The following TBCK variants were observed in gnomAD, a reference collection of about 807,000 sequenced individuals.
TBCK encodes the protein TBC domain-containing protein kinase-like protein.
TBCK carries 99 observed loss-of-function variants against 113.4 expected under a neutral mutation model. That is an observed-to-expected ratio of 0.87 (90% CI 0.74 to 1.03). The LOEUF (loss-of-function observed/expected upper bound fraction) is 1.03. Ranked by LOEUF, TBCK falls within the 50% of genes least tolerant of loss-of-function variation. TBCK has a pLI of 0.00. For missense variants in TBCK, 1,045 were observed against 1,061.3 expected, an observed-to-expected ratio of 0.98 and a Z score of 0.21; for synonymous variants, 369 against 370.8, an observed-to-expected ratio of 1.00 and a Z score of 0.05.
chr4:106,134,033 A>AAAAAC (rs1746277447), intron 23 of TBCK, among the ~76,000 whole-genome samples: 1 of 151,800 alleles, frequency 6.6e-6, no homozygotes. Context: ...AAACAAAAAA[A>AAAAAC]AAAACAAAAC....
chr4:106,219,275 A>T (rs1047258309), intron 19 of TBCK, among the ~76,000 whole-genome samples: 2 of 151,314 alleles, frequency 1.3e-5, no homozygotes, highest in African/African-American at 4.9e-5. Context: ...ATGCTAGATG[A>T]CGAGTTAGTG....
chr4:106,277,934 A>T (rs1471506205), intron 3 of TBCK, among the ~76,000 whole-genome samples: 1 of 152,228 alleles, frequency 6.6e-6, no homozygotes, highest in Non-Finnish European at 1.5e-5. Context: ...AAGTGTCCTC[A>T]TATCAGCAAT....
At chr4:106,162,464 G>A (rs1749905558) in intron 23 of TBCK, among the ~76,000 whole-genome samples, 1 of 152,096 alleles carries the variant, frequency 6.6e-6, no homozygotes, top group Non-Finnish European at 1.5e-5. Context: ...GCCCCAGTGG[G>A]GACTCTGTGT....
At chr4:106,069,537 G>A (rs1233859018) in intron 25 of TBCK, among the ~76,000 whole-genome samples, 1 of 152,108 alleles carries the variant, frequency 6.6e-6, no homozygotes, top group Non-Finnish European at 1.5e-5. Context: ...ATGATGTTTT[G>A]GTTACTGTAG....
At chr4:106,130,516 G>A (rs1306007579) in intron 23 of TBCK, among the ~76,000 whole-genome samples, 1 of 150,936 alleles carries the variant, frequency 6.6e-6, no homozygotes, top group Non-Finnish European at 1.5e-5. Context: ...TTATTAAGGG[G>A]ATATTATATA....
intron 24 of TBCK, among the ~76,000 whole-genome samples, chr4:106,115,246 C>T (rs183082548): frequency 1.4e-4 from 21 of 152,042 alleles, no homozygotes; most frequent in Non-Finnish European, 2.6e-4. Flanking sequence ...GCAACAACAT[C>T]AGGATCAAAG....
At chr4:106,142,540 C>T (rs1747254028) in intron 23 of TBCK, among the ~76,000 whole-genome samples, 1 of 152,086 alleles carries the variant, frequency 6.6e-6, no homozygotes, top group Admixed American at 6.6e-5. Flanking sequence ...ATAAACAGGG[C>T]ATTTACATAC....
intron 25 of TBCK, among the ~76,000 whole-genome samples, chr4:106,069,996 C>T (rs1265497027): frequency 6.6e-6 from 1 of 152,024 alleles, no homozygotes; most frequent in Non-Finnish European, 1.5e-5. Flanking sequence ...ATTTTGTATC[C>T]TGAGACTTTG....
intron 23 of TBCK, among the ~76,000 whole-genome samples, chr4:106,125,020 AT>A (rs1745002867): frequency 6.6e-6 from 1 of 151,496 alleles, no homozygotes; most frequent in Non-Finnish European, 1.5e-5. Flanking sequence ...AAAAAACACA[AT>A]GTGATATCAT....
At chr4:106,109,360 C>A (rs1263373712) in intron 24 of TBCK, among the ~76,000 whole-genome samples, 1 of 152,106 alleles carries the variant, frequency 6.6e-6, no homozygotes, top group Non-Finnish European at 1.5e-5. Context: ...CATCATGCTA[C>A]CCAACTTCAA....
chr4:106,046,818 T>C, intron 25 of TBCK, 138 bp from the exon 26 acceptor site: 1 of 507,284 alleles, frequency 2.0e-6, no homozygotes, highest in Non-Finnish European at 3.5e-6. Flanking sequence ...GTTGTCAACT[T>C]GGTTATTAAT....
chr4:106,268,823 C>A (rs974936921), intron 3 of TBCK, among the ~76,000 whole-genome samples: 1 of 152,012 alleles, frequency 6.6e-6, no homozygotes, highest in Non-Finnish European at 1.5e-5. Context: ...ACTCAAATTG[C>A]AAGAAATAGG....
At chr4:106,206,929 C>T (rs1395913800) in intron 20 of TBCK, among the ~76,000 whole-genome samples, 15 of 152,228 alleles carry the variant, frequency 9.9e-5, no homozygotes, top group African/African-American at 3.6e-4. Flanking sequence ...AGTACTGATA[C>T]ACTCCTTATC....
chr4:106,186,707 T>C (rs546179969), intron 22 of TBCK, among the ~76,000 whole-genome samples: 2 of 152,302 alleles, frequency 1.3e-5, no homozygotes, highest in African/African-American at 4.8e-5. Flanking sequence ...GATAGTTTCT[T>C]TTGCTGTGCA....
At chr4:106,245,584 A>T (rs951806139) in intron 10 of TBCK, among the ~76,000 whole-genome samples, 1 of 152,110 alleles carries the variant, frequency 6.6e-6, no homozygotes, top group African/African-American at 2.4e-5. Context: ...TTGGAGCTTG[A>T]TATTTCCCCT....
At chr4:106,078,173 G>A (rs187366518) in intron 25 of TBCK, among the ~76,000 whole-genome samples, 47 of 152,186 alleles carry the variant, frequency 3.1e-4, no homozygotes, top group Admixed American at 1.9e-3. Context: ...AAACTCCTAC[G>A]TGAAGAAGTT....
intron 3 of TBCK, among the ~76,000 whole-genome samples, chr4:106,283,660 TA>T (rs1170440276): frequency 2.6e-5 from 4 of 151,786 alleles, no homozygotes; most frequent in Non-Finnish European, 4.4e-5. Flanking sequence ...AGTTAGAGAG[TA>T]ATATTTAGAG....
intron 18 of TBCK, 41 bp downstream of exon 18, chr4:106,231,688 A>G: frequency 6.4e-7 from 1 of 1,551,514 alleles, no homozygotes; most frequent in Non-Finnish European, 8.8e-7. Flanking sequence ...ATATTTTAGA[A>G]TATTATGCGC....
At chr4:106,162,762 G>A (rs774359057) in intron 23 of TBCK, among the ~76,000 whole-genome samples, 4 of 152,040 alleles carry the variant, frequency 2.6e-5, no homozygotes, top group African/African-American at 7.2e-5. Flanking sequence ...GGACACAGGC[G>A]AACATGTTCT....
Sources: allele counts gnomAD v4.1 joint callset (sites outside exome capture counted in the v4.1 genomes callset), GRCh38; gene constraint gnomAD v4.1.1; transcripts MANE v1.5; gene names NCBI Gene and HGNC (gene_info 2026-07-23, HGNC 2026-07-21).